Variants in SNRPA observed in about 807,000 individuals in gnomAD.
SNRPA encodes the protein small nuclear ribonucleoprotein polypeptide A, also known as U1 small nuclear ribonucleoprotein A.
Under a neutral mutation model 24.5 loss-of-function variants are expected in SNRPA, and 10 were observed. That is an observed-to-expected ratio of 0.41 (90% confidence interval 0.25 to 0.69). The LOEUF is 0.69. SNRPA is among the 30% of genes least tolerant of loss of function. The pLI is 0.33. For synonymous variants in SNRPA, 165 were observed against 148.4 expected (o/e 1.11, Z -0.81); for missense variants, 283 against 394.7 (o/e 0.72, Z 2.40).
chr19:40,758,981 G>T (rs1461354559), intron 2 of SNRPA: 1 of 152,090 alleles, frequency 6.6e-6, no homozygotes, highest in African/African-American at 2.4e-5. Context: ...GCCGAGGTGG[G>T]TGGATCACCT....
At chr19:40,751,593 A>T (rs1279588129) in intron 1 of SNRPA, 112 bp downstream of exon 1, 10 of 816,850 alleles carry the variant, frequency 1.2e-5, no homozygotes, top group Non-Finnish European at 2.1e-5. Context: ...ACTTCGAGTT[A>T]ACTCCTTGGC....
Position 40,757,335 on chromosome 19 carries a change from T to TA in SNRPA, c.83dup (p.Ser29ValfsTer51), listed in dbSNP as rs773649543. 6.2e-7 allele frequency: 1 copy of TA among 1,613,760 alleles called. No homozygotes were observed. Among genetic ancestry groups the TA allele is most frequent in the Non-Finnish European group, 8.5e-7 (1 of 1,179,914 alleles). On this transcript the variant is annotated frameshift_variant, in exon 2 of 6. Coordinates refer to ENST00000243563, the MANE Select transcript of SNRPA (RefSeq NM_004596.5). LOFTEE classifies it high-confidence loss of function. ...GTCTTTTTTTCCCCCACTGCAGAGC[T>TA]AAAAAAGTCCCTGTACGCCATCTTC... is the stretch of plus-strand genomic sequence containing the variant.
chr19:40,765,227 G>A lies in SNRPA; in HGVS notation c.*60G>A. ...TCTGGGGCCACCCCTTTCCCCCTTG[G>A]CTCAGCCCCCTGAAGGTAAGTCCCC... is the stretch of plus-strand genomic sequence containing the variant. On this transcript the variant is annotated 3_prime_UTR_variant, in exon 6 of 6. Coordinates refer to ENST00000243563, the MANE Select transcript of SNRPA (RefSeq NM_004596.5). 7.7e-7 allele frequency: 1 copy of A among 1,292,476 alleles called. No homozygotes were observed. Among genetic ancestry groups the A allele is most frequent in the Non-Finnish European group, 1.0e-6 (1 of 979,438 alleles). The allele number at this position is 1,292,476 out of a possible 1,614,324, so 80.1% of individuals were successfully genotyped here.
At position 40,751,493 on chromosome 19, in the gene SNRPA, G is replaced by T. The variant is rs145667297; in HGVS notation, c.73+12G>T. ...GATCAAGAAGGATGGTGAGTTCTCG[G>T]GATAGTCCGGAGTCCAGACTGTCCC... On this transcript the variant is annotated intron_variant, in intron 1 of 5. Transcript: ENST00000243563. 82 of 1,598,622 alleles carry T rather than the reference G, an allele frequency of 5.1e-5. No individual in the cohort carries two copies. In the African/African-American group the frequency reaches 9.9e-4, roughly 19 times the overall value.
chr19:40,756,029 T>C (rs757411246), intron 1 of SNRPA, among the ~76,000 whole-genome samples: 7 of 152,114 alleles, frequency 4.6e-5, no homozygotes, highest in African/African-American at 7.2e-5. Flanking sequence ...CCCAGCACTT[T>C]GGGGAAGCCA....
chr19:40,764,356 G>T (rs1432859633), intron 5 of SNRPA, among the ~76,000 whole-genome samples: 1 of 152,178 alleles, frequency 6.6e-6, no homozygotes, highest in Non-Finnish European at 1.5e-5. Context: ...AGAGAAGATT[G>T]TGAGAACCTG....
Position 40,751,339 on chromosome 19 carries a change from A to G in SNRPA, c.-70A>G, listed in dbSNP as rs989975188. 3.3e-6 allele frequency: 4 copies of G among 1,206,580 alleles called. No homozygotes were observed. The African/African-American group carries it at 4.5e-5, about 14-fold the overall frequency. The allele number at this position is 1,206,580 out of a possible 1,614,324, so 74.7% of individuals were successfully genotyped here. ...CCTTGAGCAGCCGACGTTGGGACAAAGGATTTGGAGAAACCCAGGGCTAAA... is the reference window on the plus strand; with the variant it reads ...CCTTGAGCAGCCGACGTTGGGACAAGGGATTTGGAGAAACCCAGGGCTAAA... On this transcript the variant is annotated 5_prime_UTR_variant, in exon 1 of 6. Coordinates refer to ENST00000243563, the MANE Select transcript of SNRPA (RefSeq NM_004596.5).
chr19:40,763,322 A>AGCGCCTCCTTACGTGCCAG, intron 4 of SNRPA: 2 of 594,686 alleles, frequency 3.4e-6, no homozygotes, highest in Non-Finnish European at 3.0e-6. Context: ...TGAGCTATTG[A>AGCGCCTCCTTACGTGCCAG]GCGCCTCCTT....
At chr19:40,753,801 ATTTAT>A (rs936027825) in intron 1 of SNRPA, among the ~76,000 whole-genome samples, 13 of 148,954 alleles carry the variant, frequency 8.7e-5, no homozygotes, top group African/African-American at 3.2e-4. Context: ...TATTTTATTT[ATTTAT>A]TTATTTTTGA....
chr19:40,757,415 G>A lies in SNRPA; in HGVS notation c.157G>A (p.Gly53Ser). ...GGTATCACGGAGCCTGAAGATGAGG[G>A]GCCAGGCCTTTGTCATCTTCAAGGA... is the stretch of plus-strand genomic sequence containing the variant. ...ILVSRSLKMR[G>S]QAFVIFKEVS... Residue 53 changes from glycine (G) to serine (S), a missense_variant, in exon 2 of 6, where the codon GGC becomes AGC. By Grantham distance (56) the Gly-to-Ser change is moderately conservative (BLOSUM62 0). Transcript: ENST00000243563. 1 of 1,614,046 alleles carries A rather than the reference G, an allele frequency of 6.2e-7. No individual in the cohort carries two copies. Among genetic ancestry groups the A allele is most frequent in the Non-Finnish European group, 8.5e-7 (1 of 1,179,938 alleles).
At position 40,763,330 on chromosome 19, in the gene SNRPA, C is replaced by T. The variant is rs77909379; in HGVS notation, c.600+256C>T. ...GATTCCATGAGCTATTGAGCGCCTC[C>T]TTACGTGCCAGGCCCCGTTCTGCAC... On this transcript the variant is annotated intron_variant, in intron 4 of 5. Transcript: ENST00000243563. 4.0e-3 allele frequency: 2,372 copies of T among 594,860 alleles called. 56 individuals are homozygous for T. Among genetic ancestry groups the T allele is most frequent in the African/African-American group, 0.039 (2,103 of 53,838 alleles). The allele number at this position is 594,860 out of a possible 1,614,324, so 36.8% of individuals were successfully genotyped here. A position where few individuals can be genotyped will look rare whatever the true frequency, so the allele number is the denominator to read the frequency against.
chr19:40,752,303 C>CTA (rs1331841624), intron 1 of SNRPA, among the ~76,000 whole-genome samples: 1 of 151,410 alleles, frequency 6.6e-6, no homozygotes, highest in East Asian at 1.9e-4. Flanking sequence ...CGCCATTGAA[C>CTA]TACAGCCTGG....
chr19:40,762,496 C>T (rs149969008), intron 3 of SNRPA, among the ~76,000 whole-genome samples: 7 of 151,742 alleles, frequency 4.6e-5, no homozygotes, highest in African/African-American at 1.7e-4. Flanking sequence ...GGATTATAGG[C>T]GTGAGCCATC....
intron 3 of SNRPA, among the ~76,000 whole-genome samples, chr19:40,759,910 A>G (rs934128911): frequency 1.3e-5 from 2 of 152,136 alleles, no homozygotes; most frequent in African/African-American, 4.8e-5. Flanking sequence ...CTTGTAACTC[A>G]TTGTGCATGT....
At chr19:40,757,596 A>G (rs1218543580) in intron 2 of SNRPA, 92 bp downstream of exon 2, 2 of 1,246,796 alleles carry the variant, frequency 1.6e-6, no homozygotes, top group Non-Finnish European at 2.2e-6. Flanking sequence ...ATTACGGTTC[A>G]TTTGCCAAGG....
intron 1 of SNRPA, among the ~76,000 whole-genome samples, chr19:40,756,857 G>T (rs1275103955): frequency 6.6e-6 from 1 of 152,150 alleles, no homozygotes; most frequent in African/African-American, 2.4e-5. Flanking sequence ...TCAGGGGAGG[G>T]ATGTTCCAGG....
intron 1 of SNRPA, among the ~76,000 whole-genome samples, chr19:40,752,519 GA>G (rs1599725015): frequency 7.1e-6 from 1 of 140,930 alleles, no homozygotes; most frequent in East Asian, 2.1e-4. Context: ...GAGGCAGGAG[GA>G]TCACTGAAAC....
intron 1 of SNRPA, among the ~76,000 whole-genome samples, chr19:40,754,425 A>G (rs1424704172): frequency 6.6e-6 from 1 of 152,158 alleles, no homozygotes; most frequent in East Asian, 1.9e-4. Flanking sequence ...TAGGACAGTG[A>G]CAGCCCAGAG....
intron 1 of SNRPA, among the ~76,000 whole-genome samples, chr19:40,753,992 G>A (rs1000771966): frequency 6.6e-6 from 1 of 151,600 alleles, no homozygotes; most frequent in Non-Finnish European, 1.5e-5. Context: ...TAGTAGAGAA[G>A]GGGTTTAACC....
Sources: allele counts gnomAD v4.1 joint callset (sites outside exome capture counted in the v4.1 genomes callset), GRCh38; gene constraint gnomAD v4.1.1; transcripts MANE v1.5; gene names NCBI Gene and HGNC (gene_info 2026-07-23, HGNC 2026-07-21).